SPATA17: variants seen among roughly 807,000 people sequenced by gnomAD.
SPATA17 encodes the protein spermatogenesis associated 17.
In SPATA17, 53 loss-of-function variants were observed where a neutral mutation model predicts 62.2. The observed-to-expected ratio is 0.85, with a 90% CI of 0.68 to 1.07. SPATA17 has a LOEUF of 1.07. SPATA17 is among the 50% of genes least tolerant of loss of function. The pLI, the probability that SPATA17 is intolerant of heterozygous loss-of-function variation, is 0.00. For missense variants in SPATA17, 466 were observed against 425.5 expected, an observed-to-expected ratio of 1.10 and a Z score of -0.84; for synonymous variants, 146 against 146.8, an observed-to-expected ratio of 0.99 and a Z score of 0.04.
chr1:217,669,082 G>C lies in SPATA17; in HGVS notation c.290G>C (p.Arg97Thr). 1 of 1,609,660 alleles carries C rather than the reference G, an allele frequency of 6.2e-7. No homozygotes were observed. The highest frequency in any genetic ancestry group is 8.5e-7 in the Non-Finnish European group (1 of 1,178,344). The change falls in exon 4 of 11, where the codon AGG (arginine) becomes ACG (threonine). Residue 97 changes from arginine to threonine, a missense_variant and splice_region_variant. By Grantham distance (71) the Arg-to-Thr change is moderately conservative. Coordinates refer to ENST00000366933, the MANE Select transcript of SPATA17 (RefSeq NM_138796.4). ...AATCTCTACAATGCAATGGCTGTCA[G>C]GGTAAATATTTCTTCACTTGTTAAA... ...MMNLYNAMAVRIQRRWRGYRV... is the reference protein window; with the variant it reads ...MMNLYNAMAVTIQRRWRGYRV...
In SPATA17 at chr1:217,698,592, A is replaced by C. The variant is rs1051491155; in HGVS notation, c.395+15231A>C. Among the ~76,000 whole-genome samples, 6 of 151,338 alleles carry C rather than the reference A, an allele frequency of 4.0e-5. No individual in the cohort carries two copies. The East Asian group carries it at 5.8e-4, about 15-fold the overall frequency. The stretch of plus-strand genomic sequence containing the variant: ...CACATGCAGTTATAAAAAAAAAAAA[A>C]AACAAAGAAATTCTATGTTAACTCA... On this transcript the variant is annotated intron_variant, in intron 5 of 10. Transcript: ENST00000366933.
intron 5 of SPATA17, among the ~76,000 whole-genome samples, chr1:217,697,170 A>AT (rs1210966999): frequency 7.2e-5 from 11 of 152,060 alleles, no homozygotes; most frequent in Non-Finnish European, 1.6e-4. Flanking sequence ...CACCATGCTA[A>AT]TTTTTTGTAT....
At chr1:217,778,271 G>T (rs56186775) in intron 7 of SPATA17, among the ~76,000 whole-genome samples, 17,211 of 152,146 alleles carry the variant, frequency 0.11, 1,228 homozygotes, top group Non-Finnish European at 0.16. Context: ...AGCACTTTGG[G>T]TGGATTACAG....
chr1:217,645,324 T>C (rs189660947), intron 1 of SPATA17, among the ~76,000 whole-genome samples: 27 of 152,288 alleles, frequency 1.8e-4, no homozygotes, highest in African/African-American at 6.0e-4. Flanking sequence ...ATTTGATTGC[T>C]TCTCTTCTGC....
At chr1:217,820,988 A>T (rs1674845214) in intron 9 of SPATA17, among the ~76,000 whole-genome samples, 1 of 152,056 alleles carries the variant, frequency 6.6e-6, no homozygotes, top group African/African-American at 2.4e-5. Flanking sequence ...CAAAGCAGGC[A>T]TGTGCAAAGA....
chr1:217,676,777 GA>G (rs1192599685), intron 4 of SPATA17, among the ~76,000 whole-genome samples: 1 of 152,076 alleles, frequency 6.6e-6, no homozygotes, highest in Non-Finnish European at 1.5e-5. Flanking sequence ...CAGCATCTTA[GA>G]GATCTCTCTT....
At position 217,808,346 on chromosome 1, in the gene SPATA17, TACAC is replaced by T. The variant is rs751346889; in HGVS notation, c.1005+6529_1005+6532del. The stretch of plus-strand genomic sequence containing the variant: ...GTTTCCTTCACTAACAATTAAAAAA[TACAC>T]ACACACACACACACACACACACACA... On this transcript the variant is annotated intron_variant, in intron 9 of 10. Coordinates refer to ENST00000366933, the MANE Select transcript of SPATA17 (RefSeq NM_138796.4). Among the ~76,000 whole-genome samples the T allele has an allele frequency of 9.1e-4, 99 of 109,008 alleles. 1 individual carries two copies. The highest frequency in any genetic ancestry group is 7.1e-3 in the Admixed American group (77 of 10,874). 71.5% of individuals were successfully genotyped at this position (109,008 alleles called of 152,430 possible). A position where few individuals can be genotyped will look rare whatever the true frequency, so the allele number is the denominator to read the frequency against.
chr1:217,867,252 A>G lies in SPATA17; in HGVS notation c.*233A>G, dbSNP rs755856915. 3.9e-5 allele frequency: 6 copies of G among 152,208 alleles called. No individual in the cohort carries two copies. Among genetic ancestry groups the G allele is most frequent in the African/African-American group, 7.2e-5 (3 of 41,460 alleles). The allele number at this position is 152,208 out of a possible 1,614,324, so 9.4% of individuals were successfully genotyped here. ...TCTGTTACCTCTGAGAATGTCTGTCACAATCACAGCCCCTGGTGACCAACA... is the reference window on the plus strand; with the variant it reads ...TCTGTTACCTCTGAGAATGTCTGTCGCAATCACAGCCCCTGGTGACCAACA... On this transcript the variant is annotated 3_prime_UTR_variant, in exon 11 of 11. Transcript: ENST00000366933.
intron 4 of SPATA17, among the ~76,000 whole-genome samples, chr1:217,679,882 T>C (rs1032708040): frequency 6.6e-6 from 1 of 152,178 alleles, no homozygotes; most frequent in African/African-American, 2.4e-5. Flanking sequence ...AGTTTTTTTC[T>C]TTAACATCTC....
intron 5 of SPATA17, among the ~76,000 whole-genome samples, chr1:217,718,580 G>A (rs748294440): frequency 3.3e-5 from 5 of 152,162 alleles, no homozygotes; most frequent in South Asian, 2.1e-4. Context: ...GGAAGATGCT[G>A]TCATTCTAGT....
chr1:217,651,843 T>A (rs977152244), intron 3 of SPATA17, among the ~76,000 whole-genome samples: 3 of 152,224 alleles, frequency 2.0e-5, no homozygotes, highest in Non-Finnish European at 4.4e-5. Flanking sequence ...GCATGTTGTG[T>A]AATTATTTAA....
chr1:217,788,795 A>C (rs1430279870), intron 8 of SPATA17, among the ~76,000 whole-genome samples: 1 of 152,208 alleles, frequency 6.6e-6, no homozygotes, highest in Non-Finnish European at 1.5e-5. Flanking sequence ...TTCTGACCTC[A>C]AGAATGATAA....
At chr1:217,711,195 C>A (rs1436223401) in intron 5 of SPATA17, among the ~76,000 whole-genome samples, 1 of 152,000 alleles carries the variant, frequency 6.6e-6, no homozygotes, top group East Asian at 1.9e-4. Context: ...GTTATATAGG[C>A]AAATTGTGTG....
chr1:217,712,125 G>GTTTTTTTTTTTTTT (rs1228367779), intron 5 of SPATA17, among the ~76,000 whole-genome samples: 1 of 104,290 alleles, frequency 9.6e-6, no homozygotes, highest in African/African-American at 3.7e-5. Flanking sequence ...TCTACAATAT[G>GTTTTTTTTTTTTTT]TTCTTTTGTT....
At chr1:217,850,637 G>T (rs541743298) in intron 9 of SPATA17, 10 of 1,586,036 alleles carry the variant, frequency 6.3e-6, no homozygotes, top group African/African-American at 2.7e-5. Flanking sequence ...TCTGCATTTT[G>T]ACCTGTTAGC....
intron 9 of SPATA17, among the ~76,000 whole-genome samples, chr1:217,860,046 A>T (rs992681809): frequency 3.3e-5 from 5 of 151,992 alleles, no homozygotes; most frequent in Admixed American, 3.3e-4. Flanking sequence ...AGTGCTATCC[A>T]TTTTCCTCTA....
chr1:217,862,759 A>G lies in SPATA17; in HGVS notation c.1006-15A>G. 6.4e-7 allele frequency: 1 copy of G among 1,572,970 alleles called. No homozygotes were observed. The highest frequency in any genetic ancestry group is 8.7e-7 in the Non-Finnish European group (1 of 1,150,136). ...TGAAGATCTCTGTGGTAATCTTTGA[A>G]CTTTTTCCTCCTAGGATTTCCAGAC... is the stretch of plus-strand genomic sequence containing the variant. On this transcript the variant is annotated splice_polypyrimidine_tract_variant and intron_variant, in intron 9 of 10. Coordinates refer to ENST00000366933, the MANE Select transcript of SPATA17 (RefSeq NM_138796.4).
chr1:217,720,483 G>A (rs113474984), intron 5 of SPATA17, among the ~76,000 whole-genome samples: 8 of 151,972 alleles, frequency 5.3e-5, no homozygotes, highest in African/African-American at 1.9e-4. Context: ...CAAAATGACT[G>A]TAGCTGCAAC....
chr1:217,645,237 C>G (rs547093421), intron 1 of SPATA17, among the ~76,000 whole-genome samples: 1 of 151,718 alleles, frequency 6.6e-6, no homozygotes, highest in Admixed American at 6.6e-5. Context: ...TAATAATATC[C>G]CAAAAAGAAA....
Sources: allele counts gnomAD v4.1 joint callset (sites outside exome capture counted in the v4.1 genomes callset), GRCh38; gene constraint gnomAD v4.1.1; transcripts MANE v1.5; gene names NCBI Gene and HGNC (gene_info 2026-07-23, HGNC 2026-07-21).